KIZ: variants seen among roughly 807,000 people sequenced by gnomAD.
The protein encoded by KIZ is centrosomal protein kizuna.
A neutral mutation model predicts 79.6 loss-of-function variants in KIZ; 68 were observed. That is an observed-to-expected ratio of 0.85 (90% CI 0.70 to 1.05). The LOEUF is 1.05. KIZ is among the 50% of genes least tolerant of loss of function. The pLI is 0.00. For synonymous variants in KIZ, 280 were observed against 281.8 expected, an observed-to-expected ratio of 0.99 and a Z score of 0.06; for missense variants, 797 against 800.4, an observed-to-expected ratio of 1.00 and a Z score of 0.05.
At chr20:21,197,391 A>G (rs569869449) in intron 6 of KIZ, 1 of 152,396 alleles carries the variant, frequency 6.6e-6, no homozygotes, top group Admixed American at 6.5e-5. Context: ...ATTCAGAAAT[A>G]GAGGATGTAA....
At chr20:21,145,257 A>G (rs751323985) in intron 3 of KIZ, among the ~76,000 whole-genome samples, 4 of 152,128 alleles carry the variant, frequency 2.6e-5, no homozygotes, top group East Asian at 1.9e-4. Flanking sequence ...GTGATAAAGT[A>G]TCAAACTGTA....
chr20:21,217,553 C>T (rs2036341760), intron 9 of KIZ, among the ~76,000 whole-genome samples: 1 of 152,078 alleles, frequency 6.6e-6, no homozygotes, highest in Admixed American at 6.6e-5. Flanking sequence ...CAGAGGCTGT[C>T]CCCTGAAGGT....
At chr20:21,160,602 G>A (rs1321855246) in intron 4 of KIZ, among the ~76,000 whole-genome samples, 2 of 152,052 alleles carry the variant, frequency 1.3e-5, no homozygotes, top group East Asian at 3.9e-4. Flanking sequence ...AATTATTGGA[G>A]GGGTACTCTC....
intron 2 of KIZ, among the ~76,000 whole-genome samples, chr20:21,133,904 G>A (rs1210735002): frequency 2.0e-5 from 3 of 152,224 alleles, no homozygotes; most frequent in Admixed American, 6.5e-5. Context: ...CCTGCGAAAG[G>A]AGATGGGGCT....
intron 1 of KIZ, among the ~76,000 whole-genome samples, chr20:21,128,781 G>A (rs2031650659): frequency 6.6e-6 from 1 of 152,154 alleles, no homozygotes; most frequent in African/African-American, 2.4e-5. Flanking sequence ...CCATTAGCCA[G>A]CCGCGGTTTT....
At chr20:21,193,822 A>T (rs960569263) in intron 6 of KIZ, among the ~76,000 whole-genome samples, 1 of 127,574 alleles carries the variant, frequency 7.8e-6, no homozygotes, top group Non-Finnish European at 1.6e-5. Context: ...ACATGGACCC[A>T]GGAAGGGGAA....
intron 4 of KIZ, 55 bp from the exon 5 acceptor site, chr20:21,161,816 C>CA: frequency 7.8e-7 from 1 of 1,279,336 alleles, no homozygotes; most frequent in Non-Finnish European, 1.1e-6. Context: ...AAAAAAAACC[C>CA]CACCTAATTG....
chr20:21,133,537 T>C (rs1396184753), intron 2 of KIZ, among the ~76,000 whole-genome samples: 1 of 152,240 alleles, frequency 6.6e-6, no homozygotes, highest in Non-Finnish European at 1.5e-5. Context: ...ATGGGCACTT[T>C]TACCAAGCCG....
At chr20:21,229,631 G>T (rs2036772350) in intron 10 of KIZ, among the ~76,000 whole-genome samples, 1 of 152,070 alleles carries the variant, frequency 6.6e-6, no homozygotes, top group Admixed American at 6.5e-5. Context: ...AGGCTGGAGT[G>T]CAATGGCATG....
chr20:21,185,480 G>C (rs1293100549), intron 6 of KIZ, among the ~76,000 whole-genome samples: 6 of 149,388 alleles, frequency 4.0e-5, no homozygotes, highest in Non-Finnish European at 8.9e-5. Context: ...CATGATCGCG[G>C]CTCACTGTAA....
chr20:21,169,374 A>G (rs1245880939), intron 6 of KIZ, among the ~76,000 whole-genome samples: 5 of 152,198 alleles, frequency 3.3e-5, no homozygotes, highest in African/African-American at 7.2e-5. Flanking sequence ...CAAAACCACA[A>G]TGAGATACCA....
At chr20:21,171,793 G>T (rs1359872430) in intron 6 of KIZ, among the ~76,000 whole-genome samples, 1 of 152,206 alleles carries the variant, frequency 6.6e-6, no homozygotes, top group African/African-American at 2.4e-5. Context: ...AGGCCTTGCA[G>T]TGTCTACCCT....
chr20:21,134,680 T>C (rs756569420), intron 2 of KIZ, among the ~76,000 whole-genome samples: 4,215 of 147,004 alleles, frequency 0.029, 63 homozygotes, highest in African/African-American at 0.048. Context: ...TTTTTTTTTT[T>C]CCCCAAGACA....
chr20:21,244,114 C>T, intron 11 of KIZ, 131 bp from the exon 12 acceptor site: 1 of 703,732 alleles, frequency 1.4e-6, no homozygotes, highest in East Asian at 2.6e-5. Context: ...TACTTTTAAA[C>T]TCTGGGAAGT....
At chr20:21,199,968 A>G (rs1260843960) in intron 6 of KIZ, among the ~76,000 whole-genome samples, 1 of 152,046 alleles carries the variant, frequency 6.6e-6, no homozygotes, top group Non-Finnish European at 1.5e-5. Flanking sequence ...ACAGGTGTGC[A>G]CTTCCACAAC....
At chr20:21,192,853 T>TG (rs2035174750) in intron 6 of KIZ, among the ~76,000 whole-genome samples, 1 of 152,192 alleles carries the variant, frequency 6.6e-6, no homozygotes, top group Admixed American at 6.5e-5. Context: ...ACAAAGTCTG[T>TG]GTGGCCTGCA....
At chr20:21,176,008 C>G (rs922739533) in intron 6 of KIZ, among the ~76,000 whole-genome samples, 1 of 151,720 alleles carries the variant, frequency 6.6e-6, no homozygotes, top group African/African-American at 2.4e-5. Flanking sequence ...GGAGTGAGAC[C>G]CTGTCTGAAA....
intron 6 of KIZ, among the ~76,000 whole-genome samples, chr20:21,203,766 T>C (rs899884717): frequency 6.6e-6 from 1 of 152,210 alleles, no homozygotes; most frequent in Non-Finnish European, 1.5e-5. Flanking sequence ...CCAAAGGTTT[T>C]AAAATTTATT....
chr20:21,242,332 A>G (rs2037245665), intron 11 of KIZ, among the ~76,000 whole-genome samples: 1 of 152,200 alleles, frequency 6.6e-6, no homozygotes, highest in African/African-American at 2.4e-5. Context: ...ATCAATGGAA[A>G]GGCATTGAAG....
Sources: allele counts gnomAD v4.1 joint callset (sites outside exome capture counted in the v4.1 genomes callset), GRCh38; gene constraint gnomAD v4.1.1; transcripts MANE v1.5; gene names NCBI Gene and HGNC (gene_info 2026-07-23, HGNC 2026-07-21).